The following PUDP variants were observed in gnomAD, a reference collection of about 807,000 sequenced individuals.
PUDP encodes pseudouridine-5'-phosphatase.
In PUDP, 8 loss-of-function variants were observed where a neutral mutation model predicts 9.4. The ratio of observed to expected loss-of-function variants is 0.85; its 90% CI spans 0.50 to 1.53. The LOEUF (loss-of-function observed/expected upper bound fraction) is 1.53. Among genes scored for constraint, PUDP ranks in the 40% most tolerant of loss-of-function variants. PUDP has a pLI of 0.00. For missense variants in PUDP, 188 were observed against 189.7 expected, an observed-to-expected ratio of 0.99 and a Z score of 0.05; for synonymous variants, 99 against 80.7, an observed-to-expected ratio of 1.23 and a Z score of -1.22.
intron 1 of PUDP, among the ~76,000 whole-genome samples, chrX:6,720,208 GTA>G (rs199867914): frequency 0.085 from 7,909 of 92,750 alleles, 1,078 homozygotes; most frequent in African/African-American, 0.3. Context: ...ATATATGTGT[GTA>G]TATATATATG....
At chrX:6,882,621 A>G (rs1927364695) in intron 3 of PUDP, among the ~76,000 whole-genome samples, 1 of 111,903 alleles carries the variant, frequency 8.9e-6, no homozygotes, top group South Asian at 3.8e-4. Flanking sequence ...TAACATCAGG[A>G]GTAGTCATGA....
upstream of PUDP, among the ~76,000 whole-genome samples, chrX:6,725,883 C>T (rs1025378571): frequency 9.9e-5 from 11 of 111,582 alleles, no homozygotes; most frequent in Non-Finnish European, 2.1e-4. Context: ...AAAAATAGAA[C>T]GACCATTCGA....
intron 1 of PUDP, among the ~76,000 whole-genome samples, chrX:7,117,517 T>G (rs911854778): frequency 1.2e-4 from 13 of 112,839 alleles, no homozygotes; most frequent in African/African-American, 3.2e-4. Flanking sequence ...ATGCTATGTG[T>G]AACCTGGCTT....
intron 3 of PUDP, among the ~76,000 whole-genome samples, chrX:6,796,907 A>G (rs769297948): frequency 2.7e-5 from 3 of 112,252 alleles, no homozygotes; most frequent in Non-Finnish European, 5.6e-5. Flanking sequence ...ATTGCCGGAA[A>G]TGTTCATCAT....
At chrX:7,069,838 T>C (rs1042761538) in intron 3 of PUDP, among the ~76,000 whole-genome samples, 2 of 111,672 alleles carry the variant, frequency 1.8e-5, no homozygotes, top group Non-Finnish European at 3.8e-5. Context: ...AAAGATGTTG[T>C]TATAAAACTA....
chrX:7,049,486 G>A lies in PUDP; in HGVS notation c.*810C>T, dbSNP rs773511808. 1 of 112,562 alleles carries A rather than the reference G, an allele frequency of 8.9e-6. No individual in the cohort carries two copies. The highest frequency in any genetic ancestry group is 1.9e-5 in the Non-Finnish European group (1 of 53,293). The allele number at this position is 112,562 out of a possible 1,213,427, so 9.3% of individuals were successfully genotyped here. On this transcript the variant is annotated 3_prime_UTR_variant, in exon 4 of 4. Transcript: ENST00000381077. ...TGTGAGGTAGCAAACATTTTCCAAT[G>A]CAGGTAAGGATGTAGATACCAGGTA...
At chrX:6,903,817 C>G (rs1003777520) in intron 3 of PUDP, among the ~76,000 whole-genome samples, 16 of 110,231 alleles carry the variant, frequency 1.5e-4, no homozygotes, top group Admixed American at 2.9e-4. Flanking sequence ...GAGGTAAGAG[C>G]TGAAAAATTA....
Position 7,017,287 on chromosome X carries a change from G to A in PUDP, c.205-38944C>T, listed in dbSNP as rs146161362. 4.3e-3 allele frequency among the ~76,000 whole-genome samples: 481 copies of A among 111,968 alleles called. 8 individuals are homozygous for A. The highest frequency in any genetic ancestry group is 0.015 in the African/African-American group (466 of 30,742). On this transcript the variant is annotated intron_variant and NMD_transcript_variant, in intron 1 of 3. Coordinates refer to the PUDP transcript ENST00000655425. ...CTTCTATTCACTCTATTTTGGGAAGGGTGAGGGAACCAGTGAATAAACAAA... is the reference window on the plus strand; with the variant it reads ...CTTCTATTCACTCTATTTTGGGAAGAGTGAGGGAACCAGTGAATAAACAAA...
chrX:7,024,692 T>G (rs1929682787), intron 1 of PUDP, among the ~76,000 whole-genome samples: 1 of 105,123 alleles, frequency 9.5e-6, no homozygotes, highest in Non-Finnish European at 2.0e-5. Flanking sequence ...GTTCACGCCA[T>G]TCTCCTACCT....
chrX:7,067,727 G>T, intron 3 of PUDP, among the ~76,000 whole-genome samples: 1 of 111,529 alleles, frequency 9.0e-6, no homozygotes, highest in Non-Finnish European at 1.9e-5. Flanking sequence ...GAACACCACG[G>T]GAAAAGAAAA....
At chrX:6,959,694 C>T (rs1276095077) in intron 3 of PUDP, among the ~76,000 whole-genome samples, 2 of 111,922 alleles carry the variant, frequency 1.8e-5, no homozygotes, top group Non-Finnish European at 3.8e-5. Flanking sequence ...AATGCCAGCC[C>T]AGTAAGCCAC....
At chrX:7,083,310 G>A (rs1227400139) in intron 2 of PUDP, among the ~76,000 whole-genome samples, 2 of 112,134 alleles carry the variant, frequency 1.8e-5, no homozygotes, top group Non-Finnish European at 1.9e-5. Context: ...GCAGAAGACA[G>A]GAATCTGCCA....
chrX:6,752,592 G>A (rs183241081), intron 3 of PUDP, among the ~76,000 whole-genome samples: 1 of 111,853 alleles, frequency 8.9e-6, no homozygotes, highest in Non-Finnish European at 1.9e-5. Context: ...CACTAAGGCT[G>A]TGGCAGTACA....
At chrX:7,128,568 C>G (rs749859455) in intron 1 of PUDP, among the ~76,000 whole-genome samples, 1 of 111,215 alleles carries the variant, frequency 9.0e-6, no homozygotes, top group Non-Finnish European at 1.9e-5. Flanking sequence ...CCCAATGGCA[C>G]GGGCGGCAGT....
At chrX:6,973,420 T>C (rs1362133132) in intron 3 of PUDP, among the ~76,000 whole-genome samples, 2 of 112,133 alleles carry the variant, frequency 1.8e-5, no homozygotes, top group Admixed American at 1.9e-4. Context: ...TTTGTTCTCA[T>C]TGGTTTTAAA....
At chrX:7,142,339 T>G (rs1282577839) in intron 1 of PUDP, among the ~76,000 whole-genome samples, 1 of 112,154 alleles carries the variant, frequency 8.9e-6, no homozygotes, top group Non-Finnish European at 1.9e-5. Context: ...TCCTCATGGA[T>G]GACTTTGAGG....
chrX:6,859,796 C>G, intron 3 of PUDP, among the ~76,000 whole-genome samples: 1 of 110,953 alleles, frequency 9.0e-6, no homozygotes, highest in Non-Finnish European at 1.9e-5. Context: ...GTGATTTTAC[C>G]CACAGACAAT....
intron 2 of PUDP, among the ~76,000 whole-genome samples, chrX:7,082,026 C>G (rs1035500250): frequency 3.1e-4 from 35 of 112,437 alleles, no homozygotes; most frequent in African/African-American, 1.1e-3. Context: ...CGAAAAAATG[C>G]AAATGGAGTT....
intron 3 of PUDP, among the ~76,000 whole-genome samples, chrX:6,750,965 C>T (rs182696565): frequency 4.5e-5 from 5 of 110,153 alleles, no homozygotes; most frequent in Non-Finnish European, 7.6e-5. Context: ...CGGTAAAACC[C>T]CGTCTCTAGC....
Sources: allele counts gnomAD v4.1 joint callset (sites outside exome capture counted in the v4.1 genomes callset), GRCh38; gene constraint gnomAD v4.1.1; transcripts MANE v1.5; gene names NCBI Gene and HGNC (gene_info 2026-07-23, HGNC 2026-07-21).